Variants in ZNF804B observed in about 807,000 individuals in gnomAD.
The protein encoded by ZNF804B is zinc finger protein 804B.
Under a neutral mutation model 101.4 loss-of-function variants are expected in ZNF804B, and 80 were observed. The observed-to-expected ratio is 0.79, with a 90% CI of 0.66 to 0.95. The LOEUF (loss-of-function observed/expected upper bound fraction) is 0.95. ZNF804B is among the 40% of genes least tolerant of loss of function. ZNF804B has a pLI of 0.00. For synonymous variants in ZNF804B, 622 were observed against 558.8 expected, an observed-to-expected ratio of 1.11 and a Z score of -1.59; for missense variants, 1,673 against 1,561.9, an observed-to-expected ratio of 1.07 and a Z score of -1.20.
At chr7:88,768,392 T>G (rs1226206286) in intron 1 of ZNF804B, among the ~76,000 whole-genome samples, 1 of 152,230 alleles carries the variant, frequency 6.6e-6, no homozygotes, top group Non-Finnish European at 1.5e-5. Context: ...AAGGAAATCT[T>G]AAGTACATAT....
At chr7:88,824,477 C>T (rs1226762455) in intron 1 of ZNF804B, among the ~76,000 whole-genome samples, 3 of 152,128 alleles carry the variant, frequency 2.0e-5, no homozygotes, top group Non-Finnish European at 4.4e-5. Context: ...TCAATTAAAC[C>T]TCTTTCTTTT....
At position 89,308,261 on chromosome 7, in the gene ZNF804B, G is replaced by A. The variant is rs116906847; in HGVS notation, c.250-19083G>A. 1.2e-3 allele frequency among the ~76,000 whole-genome samples: 180 copies of A among 152,218 alleles called. 1 individual carries two copies. The highest frequency in any genetic ancestry group is 1.7e-3 in the Non-Finnish European group (115 of 68,006). On this transcript the variant is annotated intron_variant, in intron 2 of 3. Coordinates refer to ENST00000333190, the MANE Select transcript of ZNF804B (RefSeq NM_181646.5). ...TCAACTGCCTCATGCTGTTTTCTGTGAGCAATACTAGTGAAATGCATGAAA... is the reference window on the plus strand; with the variant it reads ...TCAACTGCCTCATGCTGTTTTCTGTAAGCAATACTAGTGAAATGCATGAAA...
At chr7:89,193,960 C>G (rs1584044533) in intron 1 of ZNF804B, among the ~76,000 whole-genome samples, 1 of 152,276 alleles carries the variant, frequency 6.6e-6, no homozygotes, top group African/African-American at 2.4e-5. Flanking sequence ...TTCTCCACAT[C>G]CTCTCCAGCA....
chr7:89,334,663 C>A lies in ZNF804B; in HGVS notation c.1681C>A (p.Pro561Thr), dbSNP rs1791046663. ...KYNLDYSDSE[P>T]NKSEYTFSAN... ...TAATTTGGACTACAGTGATTCTGAG[C>A]CAAATAAGAGTGAATATACTTTCAG... Residue 561 changes from proline to threonine, a missense_variant, in exon 4 of 4, where the codon CCA becomes ACA. By Grantham distance (38) the Pro-to-Thr change is conservative (BLOSUM62 -1). Transcript: ENST00000333190. The A allele has an allele frequency of 1.2e-6, 2 of 1,613,624 alleles. No homozygotes were observed. The highest frequency in any genetic ancestry group is 3.3e-5 in the Admixed American group (2 of 59,870).
intron 1 of ZNF804B, among the ~76,000 whole-genome samples, chr7:89,105,566 G>A (rs1187909163): frequency 2.6e-5 from 4 of 151,956 alleles, no homozygotes; most frequent in Non-Finnish European, 4.4e-5. Flanking sequence ...ACACCAACTG[G>A]GTAGGGGAAA....
intron 2 of ZNF804B, among the ~76,000 whole-genome samples, chr7:89,322,806 A>AATAC (rs1283649488): frequency 6.6e-6 from 1 of 152,192 alleles, no homozygotes; most frequent in Non-Finnish European, 1.5e-5. Flanking sequence ...AACCAGAAAA[A>AATAC]ATACTCCAGG....
intron 1 of ZNF804B, among the ~76,000 whole-genome samples, chr7:88,922,299 T>C (rs1792730244): frequency 6.6e-6 from 1 of 152,098 alleles, no homozygotes; most frequent in Non-Finnish European, 1.5e-5. Flanking sequence ...CTGAATTTGA[T>C]GTAATAATTT....
chr7:89,070,022 G>T (rs1009430591), intron 1 of ZNF804B, among the ~76,000 whole-genome samples: 3 of 152,054 alleles, frequency 2.0e-5, no homozygotes, highest in Non-Finnish European at 4.4e-5. Flanking sequence ...TGTCTAAAGG[G>T]TGTAAAGGTT....
intron 1 of ZNF804B, among the ~76,000 whole-genome samples, chr7:89,062,959 C>T (rs1324040748): frequency 6.6e-6 from 1 of 152,000 alleles, no homozygotes. Flanking sequence ...TTACTTTGCC[C>T]TTATTAGCTT....
chr7:88,951,395 T>C (rs2116068355), intron 1 of ZNF804B, among the ~76,000 whole-genome samples: 1 of 152,060 alleles, frequency 6.6e-6, no homozygotes, highest in East Asian at 2.0e-4. Flanking sequence ...AATTTGAATC[T>C]TACCTGTTAC....
At chr7:88,948,685 G>A (rs1186347618) in intron 1 of ZNF804B, among the ~76,000 whole-genome samples, 2 of 151,866 alleles carry the variant, frequency 1.3e-5, no homozygotes, top group Admixed American at 1.3e-4. Context: ...TCTTTCATGT[G>A]TAATGGATGG....
chr7:89,176,579 C>CTTTTTTTTTT (rs1562906106), intron 1 of ZNF804B, among the ~76,000 whole-genome samples: 1 of 62,684 alleles, frequency 1.6e-5, no homozygotes, highest in Admixed American at 1.5e-4. Context: ...TTTTTTCTTT[C>CTTTTTTTTTT]TTTCTTTCTT....
rs534403248 is a variant in ZNF804B, at chr7:88,933,668, A to T, written c.108+173584A>T. ...GACCAAGCTGAGTATCAAATCATGA[A>T]CTCAATCCATTTTGCAACAGCTGCA... is the stretch of plus-strand genomic sequence containing the variant. On this transcript the variant is annotated intron_variant, in intron 1 of 3. Transcript: ENST00000333190. 4.1e-4 allele frequency among the ~76,000 whole-genome samples: 62 copies of T among 151,914 alleles called. No individual in the cohort carries two copies. In the South Asian group the frequency reaches 5.4e-3, roughly 13 times the overall value.
At chr7:89,073,477 T>C (rs948688543) in intron 1 of ZNF804B, among the ~76,000 whole-genome samples, 2 of 152,210 alleles carry the variant, frequency 1.3e-5, no homozygotes, top group African/African-American at 4.8e-5. Flanking sequence ...GTTTTCTGAA[T>C]ATATTACCAT....
At chr7:89,066,984 T>C (rs1042940599) in intron 1 of ZNF804B, among the ~76,000 whole-genome samples, 1 of 152,114 alleles carries the variant, frequency 6.6e-6, no homozygotes, top group Non-Finnish European at 1.5e-5. Flanking sequence ...TTTATCATCC[T>C]ACATATTTAA....
intron 1 of ZNF804B, among the ~76,000 whole-genome samples, chr7:89,050,362 G>A (rs1337768741): frequency 6.6e-6 from 1 of 152,122 alleles, no homozygotes; most frequent in African/African-American, 2.4e-5. Context: ...CAATATTCAT[G>A]TGGTCTAAAA....
chr7:88,830,505 T>G (rs1045279383), intron 1 of ZNF804B, among the ~76,000 whole-genome samples: 4 of 152,048 alleles, frequency 2.6e-5, no homozygotes, highest in Admixed American at 2.0e-4. Flanking sequence ...CTTTTTATAC[T>G]CAAAATGTTA....
At chr7:88,761,217 C>T (rs1405199736) in intron 1 of ZNF804B, among the ~76,000 whole-genome samples, 1 of 151,828 alleles carries the variant, frequency 6.6e-6, no homozygotes, top group Non-Finnish European at 1.5e-5. Flanking sequence ...GTACAGGTGC[C>T]CAGAGATATC....
At chr7:89,237,415 C>G (rs533426466) in intron 2 of ZNF804B, among the ~76,000 whole-genome samples, 1 of 152,256 alleles carries the variant, frequency 6.6e-6, no homozygotes, top group African/African-American at 2.4e-5. Context: ...TAGGTGTGAT[C>G]TATCTGAGGC....
Sources: gnomAD v4.1 joint callset for allele counts (sites outside exome capture counted in the v4.1 genomes callset) on GRCh38, gnomAD v4.1.1 for gene constraint, MANE v1.5 for transcripts, NCBI Gene and HGNC (gene_info 2026-07-23, HGNC 2026-07-21) for gene names.